The following KLHL8 variants were observed in gnomAD, a reference collection of about 807,000 sequenced individuals.
KLHL8 encodes kelch-like protein 8.
Under a neutral mutation model 63.5 loss-of-function variants are expected in KLHL8, and 38 were observed. That is an observed-to-expected ratio of 0.60 (90% CI 0.46 to 0.78). The LOEUF is 0.78. Ranked by LOEUF, KLHL8 falls within the 30% of genes least tolerant of loss-of-function variation. KLHL8 has a pLI of 0.00. For missense variants in KLHL8, 566 were observed against 752.4 expected, an observed-to-expected ratio of 0.75 and a Z score of 2.90; for synonymous variants, 224 against 254.3, an observed-to-expected ratio of 0.88 and a Z score of 1.13.
At chr4:87,166,896 C>CT (rs1730421562) in intron 8 of KLHL8, 1 of 164,186 alleles carries the variant, frequency 6.1e-6, no homozygotes, top group Admixed American at 6.4e-5. Context: ...GCCGGATGAC[C>CT]TGGGGACCAG....
intron 1 of KLHL8, among the ~76,000 whole-genome samples, chr4:87,209,863 TTTTTTTTGAGGCAAG>T (rs1449310113): frequency 1.3e-5 from 2 of 149,302 alleles, no homozygotes; most frequent in African/African-American, 5.0e-5. Context: ...TTTTTTTTTT[TTTTTTTTGAGGCAAG>T]GCCTGGCTCT....
At chr4:87,183,722 A>C (rs1037693368) in intron 3 of KLHL8, among the ~76,000 whole-genome samples, 1 of 152,198 alleles carries the variant, frequency 6.6e-6, no homozygotes, top group Non-Finnish European at 1.5e-5. Flanking sequence ...CAAAAACGGT[A>C]CTGACATAAT....
intron 6 of KLHL8, among the ~76,000 whole-genome samples, chr4:87,173,507 T>C (rs1203434743): frequency 6.6e-6 from 1 of 152,180 alleles, no homozygotes; most frequent in East Asian, 1.9e-4. Flanking sequence ...TCGGTGTCCA[T>C]TTCAGTGGAA....
Position 87,161,001 on chromosome 4 carries a change from G to C in KLHL8, c.*2518C>G, listed in dbSNP as rs1560684418. 6.7e-6 allele frequency: 1 copy of C among 148,634 alleles called. No homozygotes were observed. The highest frequency in any genetic ancestry group is 1.5e-5 in the Non-Finnish European group (1 of 67,240). 9.2% of individuals were successfully genotyped at this position (148,634 alleles called of 1,614,324 possible). ...TGTCTCAATAAACGTGTTTTTGCCT[G>C]ATAAAGAGAACTGTGCACATATTGA... On this transcript the variant is annotated 3_prime_UTR_variant, in exon 10 of 10. Transcript: ENST00000273963.
chr4:87,230,205 A>G (rs370798829), intron 1 of KLHL8, among the ~76,000 whole-genome samples: 17 of 152,334 alleles, frequency 1.1e-4, no homozygotes, highest in African/African-American at 4.1e-4. Context: ...TAAGGTCTTG[A>G]CAAAGGAAAA....
intron 1 of KLHL8, among the ~76,000 whole-genome samples, chr4:87,198,343 C>T (rs927522210): frequency 2.0e-5 from 3 of 152,050 alleles, no homozygotes; most frequent in Admixed American, 6.6e-5. Context: ...AGAAAAAACA[C>T]TTGGTGAGTG....
chr4:87,203,207 C>G (rs1193506690), intron 1 of KLHL8, among the ~76,000 whole-genome samples: 1 of 152,138 alleles, frequency 6.6e-6, no homozygotes, highest in African/African-American at 2.4e-5. Context: ...TCCCAAGGAA[C>G]AGCTAGAACT....
At chr4:87,229,854 C>T (rs755312609) in intron 1 of KLHL8, among the ~76,000 whole-genome samples, 3 of 152,100 alleles carry the variant, frequency 2.0e-5, no homozygotes, top group Non-Finnish European at 4.4e-5. Context: ...CCTCAGCCTC[C>T]CAAGTAGCTG....
At chr4:87,171,984 C>T (rs1730650669) in intron 6 of KLHL8, among the ~76,000 whole-genome samples, 2 of 152,180 alleles carry the variant, frequency 1.3e-5, no homozygotes, top group Non-Finnish European at 2.9e-5. Flanking sequence ...CACTGCCCAC[C>T]TCGCTGTGGT....
At chr4:87,207,826 C>T in intron 1 of KLHL8, 1 of 1,239,312 alleles carries the variant, frequency 8.1e-7, no homozygotes, top group Non-Finnish European at 1.2e-6. Context: ...CCTGACCTGC[C>T]ATCTGGAAAA....
chr4:87,217,073 G>A (rs533264146), intron 1 of KLHL8, among the ~76,000 whole-genome samples: 17 of 152,196 alleles, frequency 1.1e-4, no homozygotes, highest in African/African-American at 4.1e-4. Context: ...ATTATAGTCT[G>A]GTGCTTCCAT....
intron 4 of KLHL8, among the ~76,000 whole-genome samples, chr4:87,181,357 GAA>G (rs1731046094): frequency 6.6e-6 from 1 of 151,916 alleles, no homozygotes; most frequent in African/African-American, 2.4e-5. Context: ...GGTGAGCTGA[GAA>G]AGCGCCACTG....
At chr4:87,207,598 G>C in intron 1 of KLHL8, 2 of 1,220,206 alleles carry the variant, frequency 1.6e-6, no homozygotes, top group Non-Finnish European at 2.4e-6. Flanking sequence ...TGGTATCGTG[G>C]AAGGACTCAT....
Position 87,170,248 on chromosome 4 carries a change from G to A in KLHL8, c.1378-10C>T, listed in dbSNP as rs748366436. The A allele has an allele frequency of 6.2e-7, 1 of 1,604,140 alleles. No individual in the cohort carries two copies. The highest frequency in any genetic ancestry group is 1.1e-5 in the South Asian group (1 of 89,504). ...CTGCATAAACATGGTTCTAAATGAA[G>A]AGAGTCAAACAAAACACATTAGATT... On this transcript the variant is annotated splice_polypyrimidine_tract_variant and intron_variant, in intron 7 of 9. Transcript: ENST00000273963.
chr4:87,230,652 A>G (rs549600535), intron 1 of KLHL8, among the ~76,000 whole-genome samples: 2 of 152,336 alleles, frequency 1.3e-5, no homozygotes, highest in East Asian at 1.9e-4. Flanking sequence ...TCATGTGTAT[A>G]TAAGTACTGA....
intron 1 of KLHL8, among the ~76,000 whole-genome samples, chr4:87,197,240 G>A (rs1244427824): frequency 7.2e-5 from 5 of 69,304 alleles, no homozygotes. Flanking sequence ...GTGATGAGAT[G>A]CCACTCTCTT....
chr4:87,222,879 C>T (rs545246271), upstream of KLHL8, among the ~76,000 whole-genome samples: 6 of 151,838 alleles, frequency 4.0e-5, no homozygotes, highest in Non-Finnish European at 5.9e-5. Context: ...CCACCACGCC[C>T]GGCCTACAAT....
intron 1 of KLHL8, among the ~76,000 whole-genome samples, chr4:87,198,770 C>T (rs2110019775): frequency 6.6e-6 from 1 of 152,296 alleles, no homozygotes; most frequent in South Asian, 2.1e-4. Flanking sequence ...TATGTGATAA[C>T]ATACACATAC....
intron 1 of KLHL8, among the ~76,000 whole-genome samples, chr4:87,200,630 A>G (rs1293666128): frequency 6.6e-6 from 1 of 152,194 alleles, no homozygotes; most frequent in Non-Finnish European, 1.5e-5. Context: ...GGGATGGGGA[A>G]AGAAAGAAGT....
Sources: allele counts gnomAD v4.1 joint callset (sites outside exome capture counted in the v4.1 genomes callset), GRCh38; gene constraint gnomAD v4.1.1; transcripts MANE v1.5; gene names NCBI Gene and HGNC (gene_info 2026-07-23, HGNC 2026-07-21).